Variants in MRPL33 observed in about 807,000 individuals in gnomAD.
MRPL33 encodes the protein large ribosomal subunit protein bL33m.
MRPL33 carries 5 observed loss-of-function variants against 10.1 expected under a neutral mutation model. The observed-to-expected ratio is 0.49, with a 90% CI of 0.26 to 1.04. The LOEUF is 1.04. Among genes scored for constraint, MRPL33 ranks in the 50% least tolerant of loss-of-function variants. The pLI is 0.14. For synonymous variants in MRPL33, 24 were observed against 27.7 expected (o/e 0.87, Z 0.42); for missense variants, 79 against 78.1 (o/e 1.01, Z -0.04).
chr2:27,771,806 G>A lies in MRPL33; in HGVS notation c.22+7G>A. The A allele has an allele frequency of 6.2e-7, 1 of 1,613,582 alleles. No homozygotes were observed. Among genetic ancestry groups the A allele is most frequent in the African/African-American group, 1.3e-5 (1 of 75,062 alleles). On this transcript the variant is annotated splice_region_variant and intron_variant, in intron 1 of 3. Transcript: ENST00000296102. ...TTCCTCTCCGCGGTCTTCTGTAAGT[G>A]GGGCTGGAGACGCCGGTAGGGGTTA...
chr2:27,776,236 CTT>C (rs1485816791), intron 3 of MRPL33, among the ~76,000 whole-genome samples: 1 of 152,240 alleles, frequency 6.6e-6, no homozygotes, highest in African/African-American at 2.4e-5. Context: ...GACAGCACAA[CTT>C]TGTCTTTTCT....
chr2:27,772,969 T>TA, intron 2 of MRPL33: 1 of 425,716 alleles, frequency 2.3e-6, no homozygotes, highest in Non-Finnish European at 4.2e-6. Flanking sequence ...TGTCTGTTTC[T>TA]AAACAAACCA....
At chr2:27,772,012 G>T in intron 1 of MRPL33, 1 of 544,044 alleles carries the variant, frequency 1.8e-6, no homozygotes. Context: ...GGTCTGCGGT[G>T]TCTGGATTCA....
intron 3 of MRPL33, among the ~76,000 whole-genome samples, chr2:27,775,275 A>T (rs1677128070): frequency 6.6e-6 from 1 of 152,042 alleles, no homozygotes; most frequent in Admixed American, 6.5e-5. Context: ...TTTTATGTGC[A>T]GATTTATGTA....
intron 3 of MRPL33, among the ~76,000 whole-genome samples, chr2:27,777,876 G>C (rs1383418561): frequency 6.6e-6 from 1 of 151,928 alleles, no homozygotes; most frequent in East Asian, 1.9e-4. Flanking sequence ...TTTAAACCAA[G>C]TTTTTAGTTC....
intron 3 of MRPL33, among the ~76,000 whole-genome samples, chr2:27,775,469 A>T (rs1257588414): frequency 1.3e-5 from 2 of 148,678 alleles, no homozygotes; most frequent in East Asian, 4.0e-4. Context: ...CTCCTGCTTC[A>T]GCCTCCCAAG....
chr2:27,777,336 TTCTG>T (rs1315747028), intron 3 of MRPL33, among the ~76,000 whole-genome samples: 3 of 152,022 alleles, frequency 2.0e-5, no homozygotes, highest in Non-Finnish European at 4.4e-5. Context: ...CAAGTCCCTG[TTCTG>T]TCTCTTACAT....
chr2:27,775,548 C>T (rs1257856971), intron 3 of MRPL33, among the ~76,000 whole-genome samples: 1 of 151,874 alleles, frequency 6.6e-6, no homozygotes, highest in African/African-American at 2.4e-5. Flanking sequence ...GATAGGGTTT[C>T]ACCATGTTAG....
rs1558529340 is a variant in MRPL33, at chr2:27,779,469, T to C, written c.185T>C (p.Ile62Thr). The C allele has an allele frequency of 6.2e-7, 1 of 1,612,142 alleles. No individual in the cohort carries two copies. Reference sequence around the variant, plus strand: ...GTCCTCTTCGTGGAAAAGAAAAAAATACGCTCCCTTTAAACGGTGGATTGA... The same window carrying C: ...GTCCTCTTCGTGGAAAAGAAAAAAACACGCTCCCTTTAAACGGTGGATTGA... The part of the protein sequence containing the change: ...QRVLFVEKKK[I>T]RSL Residue 62 changes from isoleucine (I) to threonine (T), a missense_variant, in exon 4 of 4, where the codon ATA (isoleucine) becomes ACA (threonine). Transcript: ENST00000296102.
chr2:27,779,709 G>A lies in MRPL33; in HGVS notation c.*227G>A, dbSNP rs1677242465. The A allele has an allele frequency of 4.0e-6, 3 of 741,436 alleles. No individual in the cohort carries two copies. The highest frequency in any genetic ancestry group is 5.9e-6 in the Non-Finnish European group (3 of 505,022). 45.9% of individuals were successfully genotyped at this position (741,436 alleles called of 1,614,324 possible). On this transcript the variant is annotated 3_prime_UTR_variant, in exon 4 of 4. Coordinates refer to ENST00000296102, the MANE Select transcript of MRPL33 (RefSeq NM_004891.4). The stretch of plus-strand genomic sequence containing the variant: ...ATTTATCTTTCTGGGTATTTTTATA[G>A]CCCTTAATAAAAAATATTAAAATAG...
At chr2:27,772,323 T>A (rs1436457226) in intron 1 of MRPL33, 1 of 262,070 alleles carries the variant, frequency 3.8e-6, no homozygotes, top group Non-Finnish European at 7.2e-6. Context: ...GTTAAACTTG[T>A]CAAACAAGAA....
At chr2:27,771,888 G>T (rs1472742204) in intron 1 of MRPL33, 89 bp downstream of exon 1, 1 of 1,336,078 alleles carries the variant, frequency 7.5e-7, no homozygotes, top group Non-Finnish European at 1.1e-6. Flanking sequence ...GGGGAAGGAT[G>T]TGCGAACAGG....
intron 3 of MRPL33, among the ~76,000 whole-genome samples, chr2:27,775,176 A>G (rs1166771346): frequency 6.6e-6 from 1 of 152,176 alleles, no homozygotes; most frequent in Non-Finnish European, 1.5e-5. Flanking sequence ...TAGAAGAGAC[A>G]AGTGTTCCTA....
At chr2:27,775,240 G>T (rs1020952134) in intron 3 of MRPL33, among the ~76,000 whole-genome samples, 3 of 151,988 alleles carry the variant, frequency 2.0e-5, no homozygotes, top group African/African-American at 7.3e-5. Flanking sequence ...GATTGCTGTT[G>T]GTGGATGCCT....
rs372658029 is a variant in MRPL33 at position 27,774,446 on chromosome 2, A to C, written c.64A>C (p.Ser22Arg). The change falls in exon 3 of 4, where the codon AGC becomes CGC. Residue 22 changes from serine (S) to arginine (R), a missense_variant. Ser to Arg is a moderately radical substitution (Grantham distance 110). Transcript: ENST00000296102. ...KSKNILVRMV[S>R]EAGTGFCFNT... is the part of the protein sequence containing the mutation. ...TAGAAACATTCTGGTGAGAATGGTGAGCGAAGCTGGGACAGGTTTCTGCTT... is the reference window on the plus strand; with the variant it reads ...TAGAAACATTCTGGTGAGAATGGTGCGCGAAGCTGGGACAGGTTTCTGCTT... The C allele has an allele frequency of 1.2e-6, 2 of 1,613,986 alleles. No homozygotes were observed. Among genetic ancestry groups the C allele is most frequent in the African/African-American group, 2.7e-5 (2 of 74,936 alleles).
At chr2:27,774,745 TGA>T (rs1290539041) in intron 3 of MRPL33, among the ~76,000 whole-genome samples, 1 of 152,186 alleles carries the variant, frequency 6.6e-6, no homozygotes, top group African/African-American at 2.4e-5. Context: ...TAGTCTAGTC[TGA>T]GAGGGGGAGA....
rs181241031 is a variant in MRPL33, at chr2:27,774,098, A to G, written c.42-326A>G. On this transcript the variant is annotated intron_variant, in intron 2 of 3. Transcript: ENST00000296102. ...TCACTAGCCAGCTGTGGTTACCAGT[A>G]TTTTGATATTTTCCCCTTCCTGACT... is the stretch of plus-strand genomic sequence containing the variant. Among the ~76,000 whole-genome samples, 662 of 152,280 alleles carry G rather than the reference A, an allele frequency of 4.3e-3. 5 individuals carry two copies. The highest frequency in any genetic ancestry group is 7.1e-3 in the Non-Finnish European group (484 of 68,018).
intron 1 of MRPL33, chr2:27,772,059 G>A: frequency 2.2e-6 from 1 of 464,452 alleles, no homozygotes; most frequent in Non-Finnish European, 3.8e-6. Context: ...CTGGCTGTGG[G>A]GCGTTTTTCT....
chr2:27,779,610 A>G lies in MRPL33; in HGVS notation c.*128A>G. ...GGAATCACTGCCTCCTGTGATTTGA[A>G]GGCCATTGTGAAGGAAAACAATGCA... is the stretch of plus-strand genomic sequence containing the variant. On this transcript the variant is annotated 3_prime_UTR_variant, in exon 4 of 4. Coordinates refer to ENST00000296102, the MANE Select transcript of MRPL33 (RefSeq NM_004891.4). 1 of 1,561,406 alleles carries G rather than the reference A, an allele frequency of 6.4e-7. No individual in the cohort carries two copies. Among genetic ancestry groups the G allele is most frequent in the African/African-American group, 1.4e-5 (1 of 72,620 alleles).
Sources: allele counts gnomAD v4.1 joint callset (sites outside exome capture counted in the v4.1 genomes callset), GRCh38; gene constraint gnomAD v4.1.1; transcripts MANE v1.5; gene names NCBI Gene and HGNC (gene_info 2026-07-23, HGNC 2026-07-21).